The following ARHGAP39 variants were observed in gnomAD, a reference collection of about 807,000 sequenced individuals.
The protein encoded by ARHGAP39 is rho GTPase-activating protein 39.
In ARHGAP39, 44 loss-of-function variants were observed where a neutral mutation model predicts 106.9. That is an observed-to-expected ratio of 0.41 (90% CI 0.32 to 0.53). ARHGAP39 has a LOEUF of 0.53. Ranked by LOEUF, ARHGAP39 falls within the 20% of genes least tolerant of loss-of-function variation. The pLI is 0.21. For missense variants in ARHGAP39, 1,496 were observed against 1,577.3 expected, an observed-to-expected ratio of 0.95 and a Z score of 0.87; for synonymous variants, 768 against 693.2, an observed-to-expected ratio of 1.11 and a Z score of -1.69.
chr8:144,532,165 G>A (rs1008425246), intron 10 of ARHGAP39, 140 bp downstream of exon 10: 10 of 733,176 alleles, frequency 1.4e-5, no homozygotes, highest in Admixed American at 1.3e-4. Context: ...TGGGCAGAAG[G>A]GAGGATGTGC....
At chr8:144,637,961 C>T (rs550210930) in intron 1 of ARHGAP39, among the ~76,000 whole-genome samples, 43 of 151,986 alleles carry the variant, frequency 2.8e-4, no homozygotes, top group African/African-American at 1.0e-3. Context: ...TCTCAAAGTG[C>T]TGCGATAACA....
intron 4 of ARHGAP39, among the ~76,000 whole-genome samples, chr8:144,552,259 A>C (rs1586896335): frequency 6.6e-6 from 1 of 152,254 alleles, no homozygotes; most frequent in Non-Finnish European, 1.5e-5. Flanking sequence ...TCGGAGGAAG[A>C]ATTGGAAGCG....
intron 1 of ARHGAP39, among the ~76,000 whole-genome samples, chr8:144,665,006 T>C (rs1821926132): frequency 6.6e-6 from 1 of 152,200 alleles, no homozygotes; most frequent in African/African-American, 2.4e-5. Flanking sequence ...GTCTGGAACC[T>C]CCTAGAGACT....
At chr8:144,576,324 C>T (rs1339465042) in intron 3 of ARHGAP39, among the ~76,000 whole-genome samples, 4 of 117,808 alleles carry the variant, frequency 3.4e-5, no homozygotes, top group Admixed American at 1.1e-4. Context: ...CAGAGTGAGA[C>T]TCCGTCTCAA....
intron 2 of ARHGAP39, among the ~76,000 whole-genome samples, chr8:144,589,507 A>C (rs1359149083): frequency 6.6e-6 from 1 of 152,192 alleles, no homozygotes; most frequent in Non-Finnish European, 1.5e-5. Flanking sequence ...TCCTGAGGAC[A>C]CCGACTTGGT....
chr8:144,696,641 A>C, the ARHGAP39 span, among the ~76,000 whole-genome samples: 1 of 141,636 alleles, frequency 7.1e-6, no homozygotes, highest in East Asian at 1.9e-4. Context: ...CTGAGTTTTA[A>C]AAAAATTTTA....
At chr8:144,680,731 G>T (rs950896949) in intron 1 of ARHGAP39, among the ~76,000 whole-genome samples, 3 of 151,954 alleles carry the variant, frequency 2.0e-5, no homozygotes, top group Non-Finnish European at 2.9e-5. Context: ...GAAAAGGAGG[G>T]GAAAGCCACA....
rs563532721 is a variant in ARHGAP39, at chr8:144,529,519, G to A, written c.*903C>T. On this transcript the variant is annotated 3_prime_UTR_variant, in exon 12 of 12. Coordinates refer to ENST00000377307, the MANE Select transcript of ARHGAP39 (RefSeq NM_025251.3). Reference sequence around the variant, plus strand: ...GCTCGCTCGTCTCCTGCAGGTCTGGGATGGGGATGGGGTAGAGCTTGGTTT... The same window carrying A: ...GCTCGCTCGTCTCCTGCAGGTCTGGAATGGGGATGGGGTAGAGCTTGGTTT... 3 of 152,316 alleles carry A rather than the reference G, an allele frequency of 2.0e-5. No homozygotes were observed. The highest frequency in any genetic ancestry group is 2.0e-4 in the Admixed American group (3 of 15,304). The allele number at this position is 152,316 out of a possible 1,614,324, so 9.4% of individuals were successfully genotyped here. A position where few individuals can be genotyped will look rare whatever the true frequency, so the allele number is the denominator to read the frequency against.
At chr8:144,568,770 C>A (rs1166822566) in intron 3 of ARHGAP39, among the ~76,000 whole-genome samples, 1 of 151,470 alleles carries the variant, frequency 6.6e-6, no homozygotes, top group Non-Finnish European at 1.5e-5. Flanking sequence ...TAAGATAATA[C>A]ATAAACCCTA....
intron 2 of ARHGAP39, among the ~76,000 whole-genome samples, chr8:144,597,309 C>T (rs907766412): frequency 2.0e-5 from 3 of 152,340 alleles, no homozygotes; most frequent in East Asian, 1.9e-4. Flanking sequence ...GCAGCCACAC[C>T]GCCCTACGCC....
At chr8:144,623,539 G>A (rs1316578470) in intron 1 of ARHGAP39, among the ~76,000 whole-genome samples, 1 of 152,254 alleles carries the variant, frequency 6.6e-6, no homozygotes, top group African/African-American at 2.4e-5. Context: ...CGACTGGCGA[G>A]GCGACCCAGA....
At chr8:144,665,509 G>A (rs1436046810) in intron 1 of ARHGAP39, among the ~76,000 whole-genome samples, 1 of 152,192 alleles carries the variant, frequency 6.6e-6, no homozygotes, top group Non-Finnish European at 1.5e-5. Context: ...AGGCCCAGGA[G>A]GAAAAAGTAG....
chr8:144,576,882 C>T (rs996595218), intron 3 of ARHGAP39, among the ~76,000 whole-genome samples: 5 of 152,210 alleles, frequency 3.3e-5, no homozygotes, highest in African/African-American at 1.2e-4. Context: ...TCCTGCCCGT[C>T]TCTGGCTGGG....
At chr8:144,588,938 C>T (rs1166483216) in intron 2 of ARHGAP39, among the ~76,000 whole-genome samples, 1 of 152,262 alleles carries the variant, frequency 6.6e-6, no homozygotes, top group East Asian at 1.9e-4. Context: ...CCGTGCAGGT[C>T]ACCAAATGCC....
At chr8:144,689,756 T>A (rs1273515063), upstream of ARHGAP39, among the ~76,000 whole-genome samples, 1 of 149,484 alleles carries the variant, frequency 6.7e-6, no homozygotes, top group African/African-American at 2.5e-5. Context: ...TTTTTTTTTT[T>A]TTTTGTGACA....
chr8:144,562,428 C>CCCAGTGGTTTCCATCGGACT (rs1818221886), intron 3 of ARHGAP39, among the ~76,000 whole-genome samples: 2 of 135,140 alleles, frequency 1.5e-5, no homozygotes, highest in African/African-American at 2.9e-5. Context: ...TCCATCGGAC[C>CCCAGTGGTTTCCATCGGACT]CCAGTGGTTT....
chr8:144,698,996 C>T, the ARHGAP39 span: 10 of 403,912 alleles, frequency 2.5e-5, no homozygotes, highest in Non-Finnish European at 5.0e-5. Flanking sequence ...TTGGAGTGGC[C>T]CATCCATAGC....
intron 3 of ARHGAP39, among the ~76,000 whole-genome samples, chr8:144,556,694 A>AGCCTGAACCTTCATAGTATTCAG (rs1817935608): frequency 4.8e-5 from 7 of 146,300 alleles, no homozygotes; most frequent in African/African-American, 1.5e-4. Flanking sequence ...TCAGAGGCAA[A>AGCCTGAACCTTCATAGTATTCAG]AGGCTGAACC....
rs183729584 is a variant in ARHGAP39, at chr8:144,575,964, C to T, written c.512+4882G>A. ...CAGTGTGCTGCTGATGGAAATGTTA[C>T]GTGGCACGTGACTGTATTATAAAGA... On this transcript the variant is annotated intron_variant, in intron 3 of 11. Coordinates refer to ENST00000377307, the MANE Select transcript of ARHGAP39 (RefSeq NM_025251.3). Among the ~76,000 whole-genome samples the T allele has an allele frequency of 4.9e-4, 75 of 152,234 alleles. 1 individual carries two copies. The highest frequency in any genetic ancestry group is 3.5e-3 in the Admixed American group (53 of 15,286).
Sources: allele counts gnomAD v4.1 joint callset (sites outside exome capture counted in the v4.1 genomes callset), GRCh38; gene constraint gnomAD v4.1.1; transcripts MANE v1.5; gene names NCBI Gene and HGNC (gene_info 2026-07-23, HGNC 2026-07-21).